Variants in TOP3A observed in about 807,000 individuals in gnomAD.
TOP3A encodes the protein DNA topoisomerase 3-alpha.
A neutral mutation model predicts 111.3 loss-of-function variants in TOP3A; 64 were observed. The observed-to-expected ratio is 0.57, with a 90% CI of 0.47 to 0.71. TOP3A has a LOEUF of 0.71. Among genes scored for constraint, TOP3A ranks in the 30% least tolerant of loss-of-function variants. TOP3A has a pLI of 0.00. For missense variants in TOP3A, 1,104 were observed against 1,285.0 expected, an observed-to-expected ratio of 0.86 and a Z score of 2.15; for synonymous variants, 484 against 485.1, an observed-to-expected ratio of 1.00 and a Z score of 0.03.
intron 4 of TOP3A, 78 bp downstream of exon 4, chr17:18,306,813 A>G (rs1981604875): frequency 2.1e-6 from 2 of 956,430 alleles, no homozygotes; most frequent in Middle Eastern, 2.1e-4. Context: ...CCAAATGCCA[A>G]TGCATTAAAA....
At chr17:18,287,320 G>C (rs756999546) in intron 13 of TOP3A, among the ~76,000 whole-genome samples, 6 of 151,904 alleles carry the variant, frequency 3.9e-5, no homozygotes, top group Admixed American at 6.6e-5. Context: ...GATCATTTGA[G>C]GTCAGGAATT....
chr17:18,283,622 A>G (rs898353546), intron 15 of TOP3A, among the ~76,000 whole-genome samples: 22 of 152,152 alleles, frequency 1.4e-4, no homozygotes, highest in Non-Finnish European at 2.5e-4. Context: ...ATTCAATTCA[A>G]TTCTGACACT....
rs1383687274 is a variant in TOP3A at position 18,272,264 on chromosome 17, CAAGAA to C, written c.*2533_*2537del. 6.6e-6 allele frequency among the ~76,000 whole-genome samples: 1 copy of C among 151,994 alleles called. No individual in the cohort carries two copies. The highest frequency in any genetic ancestry group is 1.5e-5 in the Non-Finnish European group (1 of 67,988). ...ACAAAACACTAGGATGGCTATAATA[CAAGAA>C]AAGGAAAGGAACAAGTGTTCACAAG... is the stretch of plus-strand genomic sequence containing the variant. On this transcript the variant is annotated 3_prime_UTR_variant, in exon 19 of 19. Coordinates refer to ENST00000321105, the MANE Select transcript of TOP3A (RefSeq NM_004618.5).
At chr17:18,312,653 G>A in intron 1 of TOP3A, 1 of 179,794 alleles carries the variant, frequency 5.6e-6, no homozygotes, top group Non-Finnish European at 1.2e-5. Context: ...CACTAAACTG[G>A]GTTAAGTACA....
At chr17:18,305,300 G>T in intron 4 of TOP3A, 80 bp from the exon 5 acceptor site, 2 of 1,181,934 alleles carry the variant, frequency 1.7e-6, no homozygotes, top group South Asian at 1.3e-5. Context: ...AAGGGGATCT[G>T]ACTGAAGGTT....
At chr17:18,306,735 A>G (rs1981601142) in intron 4 of TOP3A, 156 bp downstream of exon 4, 2 of 592,418 alleles carry the variant, frequency 3.4e-6, no homozygotes, top group African/African-American at 3.7e-5. Flanking sequence ...CCACTTAGCC[A>G]CATTTATACA....
chr17:18,276,130 C>T (rs1462546127), intron 18 of TOP3A, among the ~76,000 whole-genome samples: 3 of 152,192 alleles, frequency 2.0e-5, no homozygotes, highest in Non-Finnish European at 4.4e-5. Context: ...GGTAAGTGGA[C>T]TTTCATGCCG....
At chr17:18,310,983 T>C (rs538024523) in intron 1 of TOP3A, among the ~76,000 whole-genome samples, 12 of 151,864 alleles carry the variant, frequency 7.9e-5, no homozygotes, top group Non-Finnish European at 1.5e-4. Context: ...AGCTCAAACA[T>C]GCATTCAACA....
In TOP3A at chr17:18,285,293, C is replaced by A; in HGVS notation, c.1726G>T (p.Gly576Cys). The change falls in exon 15 of 19, where the codon GGC becomes TGC. Residue 576 changes from glycine (G) to cysteine (C), a missense_variant. Gly to Cys is a radical substitution (Grantham distance 159). Transcript: ENST00000321105. ...MGLVEGYDSM[G>C]YEMSKPDLRA... is the part of the protein sequence containing the mutation. ...AGGTCAGGCTTAGACATTTCATAGC[C>A]CATGGAATCATAACCTGCAGGGAGA... 1.9e-6 allele frequency: 3 copies of A among 1,614,148 alleles called. No homozygotes were observed. Among genetic ancestry groups the A allele is most frequent in the Non-Finnish European group, 2.5e-6 (3 of 1,180,038 alleles).
chr17:18,274,524 A>G lies in TOP3A; in HGVS notation c.*278T>C, dbSNP rs1207251328. ...CTGCACCAATCCTCTGCTAACAGCA[A>G]CCATCCTTGGGGGGTCCGAGGGAGC... On this transcript the variant is annotated 3_prime_UTR_variant, in exon 19 of 19. Coordinates refer to ENST00000321105, the MANE Select transcript of TOP3A (RefSeq NM_004618.5). 3.4e-6 allele frequency: 1 copy of G among 296,810 alleles called. No homozygotes were observed. Among genetic ancestry groups the G allele is most frequent in the African/African-American group, 2.1e-5 (1 of 47,120 alleles). 18.4% of individuals were successfully genotyped at this position (296,810 alleles called of 1,614,324 possible). A position where few individuals can be genotyped will look rare whatever the true frequency, so the allele number is the denominator to read the frequency against.
At chr17:18,298,369 C>T (rs560433147) in intron 9 of TOP3A, among the ~76,000 whole-genome samples, 9 of 144,500 alleles carry the variant, frequency 6.2e-5, no homozygotes, top group African/African-American at 1.4e-4. Flanking sequence ...CCGCCCCATC[C>T]GGGAGGGAGG....
At chr17:18,283,656 G>A (rs561990068) in intron 15 of TOP3A, among the ~76,000 whole-genome samples, 3 of 152,184 alleles carry the variant, frequency 2.0e-5, no homozygotes, top group Non-Finnish European at 2.9e-5. Flanking sequence ...TCCATCTAAC[G>A]GTTAAGGGCT....
At chr17:18,297,369 G>A (rs1468295008) in intron 9 of TOP3A, among the ~76,000 whole-genome samples, 1 of 152,194 alleles carries the variant, frequency 6.6e-6, no homozygotes, top group Non-Finnish European at 1.5e-5. Flanking sequence ...AAGTTGTGGT[G>A]AGCTGAGACC....
At chr17:18,279,681 G>T (rs1292314291) in intron 17 of TOP3A, among the ~76,000 whole-genome samples, 1 of 152,104 alleles carries the variant, frequency 6.6e-6, no homozygotes, top group Non-Finnish European at 1.5e-5. Flanking sequence ...GAGCCACCAG[G>T]CTCGGCCTAT....
chr17:18,280,828 C>A (rs1293175325), intron 16 of TOP3A, among the ~76,000 whole-genome samples, 170 bp from the exon 17 acceptor site: 2 of 152,228 alleles, frequency 1.3e-5, no homozygotes, highest in Non-Finnish European at 2.9e-5. Flanking sequence ...GAAAAATGAG[C>A]CTTCTCACAT....
intron 9 of TOP3A, among the ~76,000 whole-genome samples, 157 bp downstream of exon 9, chr17:18,299,398 CAGTG>C (rs1981077882): frequency 6.6e-6 from 1 of 152,148 alleles, no homozygotes; most frequent in Admixed American, 6.6e-5. Context: ...AAAAAACAAA[CAGTG>C]AGGCTAAGCA....
At position 18,278,240 on chromosome 17, in the gene TOP3A, C is replaced by A; in HGVS notation, c.2262G>T (p.Gly754=). 2 of 1,573,124 alleles carry A rather than the reference C, an allele frequency of 1.3e-6. No homozygotes were observed. Among genetic ancestry groups the A allele is most frequent in the Non-Finnish European group, 1.7e-6 (2 of 1,158,384 alleles). The change falls in exon 18 of 19, where the codon GGG becomes GGT. Residue 754 remains glycine (G), a synonymous_variant. Transcript: ENST00000321105. ...AGGGCTGGCTAGCCCTGGGGGGGCC[C>A]CCTGAAAATCTCAGGTCCAGGATCT... ...LREILDLRFS[G]GPPRASQPSG...
chr17:18,312,699 C>A (rs12939357), intron 1 of TOP3A: 50,946 of 169,570 alleles, frequency 0.3, 8,055 homozygotes, highest in African/African-American at 0.35. Flanking sequence ...AATAAAAATT[C>A]TCTTTCCAAG....
rs1476855651 is a variant in TOP3A at position 18,305,229 on chromosome 17, C to T, written c.391-9G>A. 5 of 1,609,798 alleles carry T rather than the reference C, an allele frequency of 3.1e-6. No individual in the cohort carries two copies. The highest frequency in any genetic ancestry group is 2.6e-6 in the Non-Finnish European group (3 of 1,176,170). On this transcript the variant is annotated splice_polypyrimidine_tract_variant and intron_variant, in intron 4 of 18. Coordinates refer to ENST00000321105, the MANE Select transcript of TOP3A (RefSeq NM_004618.5). Reference sequence around the variant, plus strand: ...TCTCGTTCCAAAGTTTTCTTAAGTTCGCAGTGGAATAAGAGTGGTGAGAAC... The same window carrying T: ...TCTCGTTCCAAAGTTTTCTTAAGTTTGCAGTGGAATAAGAGTGGTGAGAAC...
Sources: gnomAD v4.1 joint callset for allele counts (sites outside exome capture counted in the v4.1 genomes callset) on GRCh38, gnomAD v4.1.1 for gene constraint, MANE v1.5 for transcripts, NCBI Gene and HGNC (gene_info 2026-07-23, HGNC 2026-07-21) for gene names.